The following GALNT13 variants were observed in gnomAD, a reference collection of about 807,000 sequenced individuals.
The protein encoded by GALNT13 is polypeptide N-acetylgalactosaminyltransferase 13, also known as UDP-GalNAc:polypeptide N-acetylgalactosaminyltransferase 13.
Under a neutral mutation model 64.2 loss-of-function variants are expected in GALNT13, and 28 were observed. The ratio of observed to expected loss-of-function variants is 0.44; its 90% CI spans 0.32 to 0.60. GALNT13 has a LOEUF of 0.60. GALNT13 is among the 20% of genes least tolerant of loss of function. The pLI is 0.05. For missense variants in GALNT13, 577 were observed against 669.8 expected, an observed-to-expected ratio of 0.86 and a Z score of 1.53; for synonymous variants, 214 against 224.6, an observed-to-expected ratio of 0.95 and a Z score of 0.42.
chr2:153,693,574 A>T, the GALNT13 span, among the ~76,000 whole-genome samples: 1 of 152,052 alleles, frequency 6.6e-6, no homozygotes, highest in East Asian at 1.9e-4. Context: ...TTACAATAGA[A>T]TGCGTGGCCT....
chr2:153,152,992 C>T, the GALNT13 span, among the ~76,000 whole-genome samples: 1 of 152,178 alleles, frequency 6.6e-6, no homozygotes, highest in African/African-American at 2.4e-5. Flanking sequence ...ACACTGCCTT[C>T]CACAATGGTT....
intron 9 of GALNT13, among the ~76,000 whole-genome samples, chr2:154,382,482 T>A (rs1698317795): frequency 6.6e-6 from 1 of 152,102 alleles, no homozygotes; most frequent in Admixed American, 6.6e-5. Context: ...TCAGTATCAA[T>A]TCTTTGACAT....
intron 9 of GALNT13, among the ~76,000 whole-genome samples, chr2:154,306,627 G>GGGT (rs1553512855): frequency 5.5e-5 from 8 of 144,782 alleles, no homozygotes; most frequent in Admixed American, 1.4e-4. Flanking sequence ...GTGGGGGGGG[G>GGGT]GTCAAGAAAT....
At chr2:153,473,373 AT>A in the GALNT13 span, among the ~76,000 whole-genome samples, 1 of 152,144 alleles carries the variant, frequency 6.6e-6, no homozygotes, top group African/African-American at 2.4e-5. Flanking sequence ...TATATAATTA[AT>A]TTTTCTGAAA....
chr2:153,848,110 TCAACTA>T, the GALNT13 span, among the ~76,000 whole-genome samples: 1 of 152,160 alleles, frequency 6.6e-6, no homozygotes, highest in African/African-American at 2.4e-5. Context: ...TGAAAAAGTC[TCAACTA>T]CAAGCCAGAA....
chr2:153,214,851 G>T, the GALNT13 span, among the ~76,000 whole-genome samples: 1 of 152,030 alleles, frequency 6.6e-6, no homozygotes, highest in Non-Finnish European at 1.5e-5. Flanking sequence ...AGTTTACAGG[G>T]ATGTTCTATT....
chr2:153,488,273 CTG>C, the GALNT13 span, among the ~76,000 whole-genome samples: 1 of 152,200 alleles, frequency 6.6e-6, no homozygotes, highest in Admixed American at 6.5e-5. Flanking sequence ...AGTTCTTTCT[CTG>C]TGAAGAAGGC....
At chr2:153,646,378 A>C in the GALNT13 span, among the ~76,000 whole-genome samples, 1 of 151,662 alleles carries the variant, frequency 6.6e-6, no homozygotes, top group African/African-American at 2.4e-5. Flanking sequence ...ATGAAGGAAA[A>C]AGTTCAGCAA....
chr2:153,588,206 A>C, the GALNT13 span, among the ~76,000 whole-genome samples: 1 of 152,200 alleles, frequency 6.6e-6, no homozygotes, highest in African/African-American at 2.4e-5. Context: ...AAAAGATGTC[A>C]GTGAATCTAC....
Position 153,885,910 on chromosome 2 carries a change from G to A in GALNT13, c.-177+13607G>A, listed in dbSNP as rs557659845. ...TTACTAACCTGCCGGTTGTTGCTGT[G>A]TATATGTTCATGCTTTAGCATTCTT... On this transcript the variant is annotated intron_variant, in intron 1 of 12. Transcript: ENST00000392825. 4.6e-5 allele frequency among the ~76,000 whole-genome samples: 7 copies of A among 152,146 alleles called. No individual in the cohort carries two copies. In the East Asian group the frequency reaches 1.4e-3, roughly 30 times the overall value.
chr2:153,918,010 G>A (rs1208201923), intron 2 of GALNT13, among the ~76,000 whole-genome samples: 2 of 151,862 alleles, frequency 1.3e-5, no homozygotes, highest in East Asian at 1.9e-4. Context: ...ATGTACACAT[G>A]TGTGAGTGCA....
At chr2:154,315,281 C>G (rs75895441) in intron 9 of GALNT13, among the ~76,000 whole-genome samples, 1 of 152,012 alleles carries the variant, frequency 6.6e-6, no homozygotes, top group Admixed American at 6.6e-5. Flanking sequence ...AAATTCTATA[C>G]TTATTAGATA....
chr2:153,644,603 T>C, the GALNT13 span, among the ~76,000 whole-genome samples: 207 of 152,136 alleles, frequency 1.4e-3, 2 homozygotes, highest in Non-Finnish European at 1.1e-3. Context: ...GCCCCTACTC[T>C]AGCTATAAGG....
chr2:154,348,571 C>T (rs936703380), intron 9 of GALNT13, among the ~76,000 whole-genome samples: 5 of 151,834 alleles, frequency 3.3e-5, no homozygotes, highest in African/African-American at 1.2e-4. Flanking sequence ...GAGCCCTGAC[C>T]CCGAAGTCTG....
At chr2:153,105,702 C>A in the GALNT13 span, among the ~76,000 whole-genome samples, 1 of 152,092 alleles carries the variant, frequency 6.6e-6, no homozygotes, top group African/African-American at 2.4e-5. Flanking sequence ...GTACAAAAAT[C>A]ACAAGCATTC....
At chr2:153,121,621 G>T in the GALNT13 span, among the ~76,000 whole-genome samples, 1 of 152,094 alleles carries the variant, frequency 6.6e-6, no homozygotes, top group Non-Finnish European at 1.5e-5. Context: ...AACCTCCGCT[G>T]CCTGGGTTCA....
At chr2:154,420,334 C>T (rs1233002077) in intron 11 of GALNT13, among the ~76,000 whole-genome samples, 4 of 152,136 alleles carry the variant, frequency 2.6e-5, no homozygotes, top group Admixed American at 2.6e-4. Context: ...AAGCTCTCTG[C>T]TGACTTTACC....
the GALNT13 span, among the ~76,000 whole-genome samples, chr2:153,267,948 G>A: frequency 6.6e-6 from 1 of 152,102 alleles, no homozygotes; most frequent in Admixed American, 6.6e-5. Context: ...ATCTCCACCT[G>A]GTCCCATCCT....
chr2:153,340,552 G>A, the GALNT13 span, among the ~76,000 whole-genome samples: 5 of 151,986 alleles, frequency 3.3e-5, no homozygotes, highest in Non-Finnish European at 7.4e-5. Flanking sequence ...CTACTCAGGA[G>A]GCCGAGGCAG....
Sources: gnomAD v4.1 joint callset for allele counts (sites outside exome capture counted in the v4.1 genomes callset) on GRCh38, gnomAD v4.1.1 for gene constraint, MANE v1.5 for transcripts, NCBI Gene and HGNC (gene_info 2026-07-23, HGNC 2026-07-21) for gene names.